WDR3: variants seen among roughly 807,000 people sequenced by gnomAD.
WDR3 encodes WD repeat-containing protein 3.
WDR3 carries 81 observed loss-of-function variants against 123.7 expected under a neutral mutation model. The observed-to-expected ratio is 0.65, with a 90% CI of 0.55 to 0.79. The LOEUF (loss-of-function observed/expected upper bound fraction) is 0.79. WDR3 is among the 30% of genes least tolerant of loss of function. The pLI is 0.00. For missense variants in WDR3, 1,027 were observed against 1,123.2 expected (o/e 0.91, Z 1.22); for synonymous variants, 390 against 388.8 (o/e 1.00, Z -0.04).
chr1:117,941,252 A>G (rs1651161359), intron 8 of WDR3, 27 bp downstream of exon 8: 2 of 1,606,756 alleles, frequency 1.2e-6, no homozygotes, highest in Non-Finnish European at 1.7e-6. Context: ...GGAGAAAATA[A>G]CAAGGACTAG....
Position 117,963,616 on chromosome 1 carries a change from G to A in WDR3, c.*4169G>A, listed in dbSNP as rs990381764. On this transcript the variant is annotated 3_prime_UTR_variant, in exon 27 of 27. Coordinates refer to ENST00000349139, the MANE Select transcript of WDR3 (RefSeq NM_006784.3). ...CCTGACCTTGTGATCCACCCACCTC[G>A]GCCTCCCAAAGTGCTGGGATTACAG... is the stretch of plus-strand genomic sequence containing the variant. 6.7e-5 allele frequency: 28 copies of A among 419,508 alleles called. No individual in the cohort carries two copies. The East Asian group carries it at 8.9e-4, about 13-fold the overall frequency. 26.0% of individuals were successfully genotyped at this position (419,508 alleles called of 1,614,324 possible).
At chr1:117,949,448 G>A (rs74985010) in intron 13 of WDR3, among the ~76,000 whole-genome samples, 228 of 152,242 alleles carry the variant, frequency 1.5e-3, no homozygotes, top group Admixed American at 2.7e-3. Flanking sequence ...TCCATTCTAT[G>A]TATATTTTTC....
chr1:117,954,053 C>T lies in WDR3; in HGVS notation c.2315C>T (p.Ala772Val), dbSNP rs1380430772. ...EAIELYREET[A>V]KMKEHKAICK... ...ATTGAGTTGTACCGAGAAGAAACTGCAAAAATGAAGGAACACAAAGCCATT... is the reference window on the plus strand; with the variant it reads ...ATTGAGTTGTACCGAGAAGAAACTGTAAAAATGAAGGAACACAAAGCCATT... The change falls in exon 22 of 27, where the codon GCA (alanine) becomes GTA (valine). Residue 772 changes from alanine to valine, a missense_variant. By Grantham distance (64) the Ala-to-Val change is moderately conservative (BLOSUM62 0). Transcript: ENST00000349139. 2 of 1,610,690 alleles carry T rather than the reference C, an allele frequency of 1.2e-6. No homozygotes were observed. The highest frequency in any genetic ancestry group is 1.3e-5 in the African/African-American group (1 of 74,666).
At position 117,948,597 on chromosome 1, in the gene WDR3, T is replaced by TG. The variant is rs989849451; in HGVS notation, c.1524+91_1524+92insG. 5 of 945,076 alleles carry TG rather than the reference T, an allele frequency of 5.3e-6. No individual in the cohort carries two copies. The African/African-American group carries it at 6.7e-5, about 13-fold the overall frequency. The allele number at this position is 945,076 out of a possible 1,614,324, so 58.5% of individuals were successfully genotyped here. On this transcript the variant is annotated intron_variant, in intron 13 of 26. Transcript: ENST00000349139. The stretch of plus-strand genomic sequence containing the variant: ...TTCTTTAAAGAAAGCCTGAGGTTTT[T>TG]TTTTTTTTTTGGTCTAATCTTTAGT...
intron 3 of WDR3, among the ~76,000 whole-genome samples, chr1:117,936,410 TTGA>T (rs1376365917): frequency 6.6e-6 from 1 of 152,156 alleles, no homozygotes; most frequent in African/African-American, 2.4e-5. Context: ...TACTTTAGAA[TTGA>T]TTATTATGTG....
intron 12 of WDR3, 78 bp downstream of exon 12, chr1:117,946,257 T>C (rs1017249416): frequency 8.5e-7 from 1 of 1,176,818 alleles, no homozygotes; most frequent in African/African-American, 1.6e-5. Flanking sequence ...GGTTCTTCTT[T>C]TTAGCATATT....
Position 117,952,412 on chromosome 1 carries a change from A to G in WDR3, c.2016+4A>G. ...TGAACACATACAGACTCTGGAGGTA[A>G]CCACATGCCTTCTGTGCTTGCTTGG... On this transcript the variant is annotated splice_donor_region_variant and intron_variant, in intron 18 of 26. Transcript: ENST00000349139. The G allele has an allele frequency of 1.2e-6, 2 of 1,609,706 alleles. No homozygotes were observed.
intron 11 of WDR3, among the ~76,000 whole-genome samples, chr1:117,945,800 T>C (rs1000724784): frequency 1.3e-5 from 2 of 152,214 alleles, no homozygotes; most frequent in African/African-American, 4.8e-5. Flanking sequence ...CTCACTCACT[T>C]CTTGGTAATG....
At position 117,952,395 on chromosome 1, in the gene WDR3, TAC is replaced by T; in HGVS notation, c.2005_2006del (p.Gln669AspfsTer27). 6.2e-7 allele frequency: 1 copy of T among 1,612,634 alleles called. No homozygotes were observed. The highest frequency in any genetic ancestry group is 2.2e-5 in the East Asian group (1 of 44,868). On this transcript the variant is annotated frameshift_variant, in exon 18 of 27. Coordinates refer to ENST00000349139, the MANE Select transcript of WDR3 (RefSeq NM_006784.3). LOFTEE classifies it high-confidence loss of function. ...TGGGATGCAGACAAATTTGAACACA[TAC>T]AGACTCTGGAGGTAACCACATGCCT...
At chr1:117,938,584 G>A in intron 5 of WDR3, 26 bp downstream of exon 5, 1 of 1,596,554 alleles carries the variant, frequency 6.3e-7, no homozygotes, top group Non-Finnish European at 8.5e-7. Context: ...TGGGCCCAGG[G>A]AAATAATGGG....
At chr1:117,936,330 A>G (rs1274827958) in intron 3 of WDR3, among the ~76,000 whole-genome samples, 2 of 148,996 alleles carry the variant, frequency 1.3e-5, no homozygotes, top group African/African-American at 2.5e-5. Context: ...TCACTTCTGC[A>G]TATTTATAAC....
At chr1:117,948,706 G>A (rs1213581046) in intron 13 of WDR3, among the ~76,000 whole-genome samples, 200 bp downstream of exon 13, 2 of 151,728 alleles carry the variant, frequency 1.3e-5, no homozygotes, top group Non-Finnish European at 2.9e-5. Flanking sequence ...TATCAGCAGC[G>A]TGACATCAAA....
intron 13 of WDR3, 74 bp from the exon 14 acceptor site, chr1:117,949,677 C>G (rs1651534163): frequency 6.6e-7 from 1 of 1,507,732 alleles, no homozygotes; most frequent in Non-Finnish European, 9.1e-7. Context: ...CTTTCTTAGA[C>G]TTTTAAAATG....
rs1053161148 is a variant in WDR3 at position 117,950,821 on chromosome 1, T to C, written c.1747-13T>C. 5 of 1,603,628 alleles carry C rather than the reference T, an allele frequency of 3.1e-6. No individual in the cohort carries two copies. Among genetic ancestry groups the C allele is most frequent in the Non-Finnish European group, 4.3e-6 (5 of 1,175,378 alleles). On this transcript the variant is annotated splice_polypyrimidine_tract_variant and intron_variant, in intron 15 of 26. Coordinates refer to ENST00000349139, the MANE Select transcript of WDR3 (RefSeq NM_006784.3). Reference sequence around the variant, plus strand: ...TTATAGACAGACATTAATTATGTTTTTTTGATGTTTAGTTTTTTCTGTCAC... The same window carrying C: ...TTATAGACAGACATTAATTATGTTTCTTTGATGTTTAGTTTTTTCTGTCAC...
At chr1:117,945,381 T>C (rs199962753) in intron 11 of WDR3, among the ~76,000 whole-genome samples, 1 of 152,230 alleles carries the variant, frequency 6.6e-6, no homozygotes, top group African/African-American at 2.4e-5. Flanking sequence ...CTTATGGCTG[T>C]TGTGCTCCCT....
rs1310475620 is a variant in WDR3, at chr1:117,965,854, T to A, written c.*6407T>A. The A allele has an allele frequency of 6.6e-6, 1 of 152,164 alleles. No homozygotes were observed. 9.4% of individuals were successfully genotyped at this position (152,164 alleles called of 1,614,324 possible). A position where few individuals can be genotyped will look rare whatever the true frequency, so the allele number is the denominator to read the frequency against. On this transcript the variant is annotated 3_prime_UTR_variant, in exon 27 of 27. Coordinates refer to ENST00000349139, the MANE Select transcript of WDR3 (RefSeq NM_006784.3). ...ACTCCAACCTACTTTCCCACTATAT[T>A]CCTAATACTCAAGCTTTTGGCAAGT... is the stretch of plus-strand genomic sequence containing the variant.
At chr1:117,942,415 A>G (rs745327908) in intron 9 of WDR3, 22 bp from the exon 10 acceptor site, 1 of 1,598,762 alleles carries the variant, frequency 6.3e-7, no homozygotes, top group Admixed American at 1.7e-5. Flanking sequence ...AGAGCATGAT[A>G]TACTTTTCTT....
chr1:117,961,140 G>C lies in WDR3; in HGVS notation c.*1693G>C. 6.6e-6 allele frequency: 1 copy of C among 152,172 alleles called. No individual in the cohort carries two copies. The highest frequency in any genetic ancestry group is 2.1e-4 in the South Asian group (1 of 4,828). 9.4% of individuals were successfully genotyped at this position (152,172 alleles called of 1,614,324 possible). A position where few individuals can be genotyped will look rare whatever the true frequency, so the allele number is the denominator to read the frequency against. ...CTACTAAAAATACAAAAAACTAGCT[G>C]GGCGTGGTGGCAGGCGCTTGTAATC... On this transcript the variant is annotated 3_prime_UTR_variant, in exon 27 of 27. Coordinates refer to ENST00000349139, the MANE Select transcript of WDR3 (RefSeq NM_006784.3).
chr1:117,932,846 TA>T (rs1337359487), intron 1 of WDR3, among the ~76,000 whole-genome samples: 1 of 152,074 alleles, frequency 6.6e-6, no homozygotes, highest in Non-Finnish European at 1.5e-5. Flanking sequence ...ATGATTCATT[TA>T]GAGTAAATAA....
Sources: allele counts gnomAD v4.1 joint callset (sites outside exome capture counted in the v4.1 genomes callset), GRCh38; gene constraint gnomAD v4.1.1; transcripts MANE v1.5; gene names NCBI Gene and HGNC (gene_info 2026-07-23, HGNC 2026-07-21).